Variants in RAPGEF2 observed in about 807,000 individuals in gnomAD.
RAPGEF2 encodes PDZ domain containing guanine nucleotide exchange factor (GEF) 1.
In RAPGEF2, 54 loss-of-function variants were observed where a neutral mutation model predicts 186.7. The observed-to-expected ratio is 0.29, with a 90% CI of 0.23 to 0.36. The LOEUF is 0.36. Among genes scored for constraint, RAPGEF2 ranks in the 10% least tolerant of loss-of-function variants. The pLI is 1.00. For synonymous variants in RAPGEF2, 712 were observed against 705.9 expected, an observed-to-expected ratio of 1.01 and a Z score of -0.14; for missense variants, 1,532 against 2,045.0, an observed-to-expected ratio of 0.75 and a Z score of 4.84.
In RAPGEF2 at chr4:159,181,575, C is replaced by CTT. The variant is rs531646826; in HGVS notation, c.70-5047_70-5046dup. Among the ~76,000 whole-genome samples, 126 of 121,306 alleles carry CTT rather than the reference C, an allele frequency of 1.0e-3. 1 individual carries two copies. Among genetic ancestry groups the CTT allele is most frequent in the Non-Finnish European group, 1.5e-3 (89 of 58,974 alleles). The allele number at this position is 121,306 out of a possible 152,430, so 79.6% of individuals were successfully genotyped here. On this transcript the variant is annotated intron_variant, in intron 1 of 29. Coordinates refer to ENST00000691494, the MANE Select transcript of RAPGEF2 (RefSeq NM_001394067.2). Reference sequence around the variant, plus strand: ...AGCTCCTCAGAAATGGGAAGACAGTCTTTTTTTTTTTTTTTTTTTTTGAGA... The same window carrying CTT: ...AGCTCCTCAGAAATGGGAAGACAGTCTTTTTTTTTTTTTTTTTTTTTTTGAGA...
intron 7 of RAPGEF2, among the ~76,000 whole-genome samples, chr4:159,244,330 C>T (rs1754359457): frequency 6.6e-6 from 1 of 151,700 alleles, no homozygotes; most frequent in Non-Finnish European, 1.5e-5. Flanking sequence ...CTTGTATTTT[C>T]TTATTTGCAC....
intron 4 of RAPGEF2, among the ~76,000 whole-genome samples, chr4:159,222,915 A>ATT (rs1323742002): frequency 1.9e-5 from 2 of 102,888 alleles, no homozygotes; most frequent in African/African-American, 3.3e-5. Context: ...TATGAGTTGA[A>ATT]TTATATATAT....
At chr4:159,262,022 G>T (rs1175634705) in intron 7 of RAPGEF2, among the ~76,000 whole-genome samples, 1 of 152,020 alleles carries the variant, frequency 6.6e-6, no homozygotes, top group Non-Finnish European at 1.5e-5. Flanking sequence ...AAGAAATTAG[G>T]CATCTTTTAT....
intron 9 of RAPGEF2, among the ~76,000 whole-genome samples, chr4:159,318,574 G>A (rs542298853): frequency 3.3e-5 from 5 of 152,134 alleles, no homozygotes; most frequent in African/African-American, 1.2e-4. Context: ...AGATTTCTTG[G>A]GTATAGTTTT....
chr4:159,138,387 C>A (rs971148554), intron 1 of RAPGEF2, among the ~76,000 whole-genome samples: 3 of 152,156 alleles, frequency 2.0e-5, no homozygotes, highest in African/African-American at 4.8e-5. Context: ...AATACTGATG[C>A]ATTTGGTTTG....
At chr4:159,304,547 G>T (rs1763053826) in intron 8 of RAPGEF2, 74 bp downstream of exon 8, 7 of 1,371,360 alleles carry the variant, frequency 5.1e-6, no homozygotes, top group African/African-American at 1.5e-5. Flanking sequence ...TCAGCTGATA[G>T]AATCTATAAA....
intron 3 of RAPGEF2, among the ~76,000 whole-genome samples, chr4:159,202,522 C>T (rs1749545766): frequency 6.6e-6 from 1 of 152,176 alleles, no homozygotes. Flanking sequence ...ATCCTTTACC[C>T]ACAGCCACTT....
In RAPGEF2 at chr4:159,354,002, C is replaced by G; in HGVS notation, c.4607C>G (p.Pro1536Arg). ...GAAGAAACCAAGCCTGTCCCCATGC[C>G]TGCCCACATAGCTGTGGCATCAAGT... is the stretch of plus-strand genomic sequence containing the variant. The part of the protein sequence containing the change: ...TTEETKPVPM[P>R]AHIAVASSTT... Residue 1536 changes from proline to arginine, a missense_variant, in exon 28 of 30, where the codon CCT becomes CGT. By Grantham distance (103) the Pro-to-Arg change is moderately radical. This residue lies in a region of RAPGEF2 where 594 missense variants were observed against 608.5 expected (regional missense o/e 0.98). Transcript: ENST00000691494. 1 of 1,609,482 alleles carries G rather than the reference C, an allele frequency of 6.2e-7. No homozygotes were observed. The highest frequency in any genetic ancestry group is 1.1e-5 in the South Asian group (1 of 90,392).
At chr4:159,124,724 G>C (rs1353553129) in intron 1 of RAPGEF2, among the ~76,000 whole-genome samples, 1 of 152,066 alleles carries the variant, frequency 6.6e-6, no homozygotes, top group Non-Finnish European at 1.5e-5. Context: ...CCTAAATATA[G>C]CCAAGCAAGG....
chr4:159,346,794 A>C lies in RAPGEF2; in HGVS notation c.3508A>C (p.Lys1170Gln). 1 of 1,613,896 alleles carries C rather than the reference A, an allele frequency of 6.2e-7. No homozygotes were observed. Among genetic ancestry groups the C allele is most frequent in the Non-Finnish European group, 8.5e-7 (1 of 1,179,812 alleles). Reference protein sequence around the residue: ...QCEPATNTLPKNPGDKKPVKS... With the variant: ...QCEPATNTLPQNPGDKKPVKS... ...CAAACCCAAACAATTATCAGTGCCTAAGAATCCTGGTGACAAAAAGCCTGT... is the reference window on the plus strand; with the variant it reads ...CAAACCCAAACAATTATCAGTGCCTCAGAATCCTGGTGACAAAAAGCCTGT... Residue 1170 changes from lysine to glutamine, a missense_variant, in exon 25 of 30, where the codon AAG becomes CAG. Lys to Gln is a moderately conservative substitution (Grantham distance 53, BLOSUM62 1). This residue lies in a region of RAPGEF2 where 117 missense variants were observed against 180.8 expected (regional missense o/e 0.65). Coordinates refer to ENST00000691494, the MANE Select transcript of RAPGEF2 (RefSeq NM_001394067.2).
chr4:159,267,940 T>G, intron 7 of RAPGEF2: 1 of 1,317,888 alleles, frequency 7.6e-7, no homozygotes, highest in East Asian at 3.0e-5. Context: ...GTTATAAAAA[T>G]GGAGACGAAC....
intron 4 of RAPGEF2, among the ~76,000 whole-genome samples, chr4:159,225,487 C>T (rs1751940839): frequency 6.6e-6 from 1 of 152,102 alleles, no homozygotes; most frequent in Non-Finnish European, 1.5e-5. Context: ...TCCTTAATGT[C>T]TTGGAAAGGT....
intron 8 of RAPGEF2, among the ~76,000 whole-genome samples, chr4:159,305,110 T>C (rs1267493414): frequency 1.3e-5 from 2 of 152,226 alleles, no homozygotes; most frequent in Non-Finnish European, 2.9e-5. Flanking sequence ...TTCTATATCT[T>C]TGCTATTGTG....
intron 26 of RAPGEF2, among the ~76,000 whole-genome samples, chr4:159,352,029 C>A (rs1731258600): frequency 6.6e-6 from 1 of 152,178 alleles, no homozygotes; most frequent in Non-Finnish European, 1.5e-5. Flanking sequence ...AGTTAAGGGT[C>A]CTTTCAGGCC....
chr4:159,304,572 A>G, intron 8 of RAPGEF2, 99 bp downstream of exon 8: 1 of 1,130,554 alleles, frequency 8.8e-7, no homozygotes, highest in Non-Finnish European at 1.2e-6. Flanking sequence ...ATATATGTGT[A>G]TATTACATGT....
At chr4:159,258,041 A>G (rs1446875643) in intron 7 of RAPGEF2, among the ~76,000 whole-genome samples, 12 of 152,222 alleles carry the variant, frequency 7.9e-5, no homozygotes, top group Non-Finnish European at 1.5e-5. Context: ...TAGGTAATGT[A>G]ATCTTCCATG....
chr4:159,220,819 T>C (rs1751461389), intron 4 of RAPGEF2, among the ~76,000 whole-genome samples: 2 of 152,216 alleles, frequency 1.3e-5, no homozygotes, highest in Non-Finnish European at 2.9e-5. Flanking sequence ...TAATAAATGT[T>C]TGCTAAATTC....
chr4:159,216,867 A>G (rs1579490248), intron 4 of RAPGEF2, among the ~76,000 whole-genome samples: 2 of 152,234 alleles, frequency 1.3e-5, no homozygotes, highest in South Asian at 4.1e-4. Flanking sequence ...ATCACATTTT[A>G]AATTACAGCT....
At chr4:159,234,320 T>A (rs551127784) in intron 4 of RAPGEF2, among the ~76,000 whole-genome samples, 36 of 152,252 alleles carry the variant, frequency 2.4e-4, no homozygotes, top group Non-Finnish European at 3.7e-4. Flanking sequence ...CTAAGTTTTT[T>A]AAAAATGATT....
Sources: gnomAD v4.1 joint callset for allele counts (sites outside exome capture counted in the v4.1 genomes callset) on GRCh38, gnomAD v4.1.1 for gene constraint, gnomAD v4.1.1 regional missense constraint, MANE v1.5 for transcripts, NCBI Gene and HGNC (gene_info 2026-07-23, HGNC 2026-07-21) for gene names.